Variants in RCOR2 observed in about 807,000 individuals in gnomAD.
RCOR2 encodes the protein REST corepressor 2.
A neutral mutation model predicts 58.9 loss-of-function variants in RCOR2; 19 were observed. The observed-to-expected ratio is 0.32, with a 90% CI of 0.23 to 0.47. The LOEUF (loss-of-function observed/expected upper bound fraction) is 0.47. Ranked by LOEUF, RCOR2 falls within the 20% of genes least tolerant of loss-of-function variation. RCOR2 has a pLI of 1.00. For missense variants in RCOR2, 590 were observed against 707.9 expected (o/e 0.83, Z 1.89); for synonymous variants, 286 against 278.7 (o/e 1.03, Z -0.26).
rs371946091 is a variant in RCOR2, at chr11:63,912,873, C to T, written c.966G>A (p.Pro322=). Residue 322 remains proline, a synonymous_variant, in exon 9 of 12, where the codon CCG becomes CCA. Transcript: ENST00000301459. ...CTAACTTAAAGAGCAGCCATACCTC[C>T]GGGGGGCGTAGTGGATCAATACCGC... ...LEGGIDPLRP[P]EANTKFNSRW... is the part of the protein sequence containing the mutation. The T allele has an allele frequency of 2.0e-5, 32 of 1,613,488 alleles. No homozygotes were observed. Among genetic ancestry groups the T allele is most frequent in the Non-Finnish European group, 2.6e-5 (31 of 1,179,796 alleles).
At position 63,916,426 on chromosome 11, in the gene RCOR2, C is replaced by A; in HGVS notation, c.31G>T (p.Gly11Cys). 6.2e-7 allele frequency: 1 copy of A among 1,607,700 alleles called. No homozygotes were observed. Among genetic ancestry groups the A allele is most frequent in the Non-Finnish European group, 8.5e-7 (1 of 1,177,932 alleles). Residue 11 changes from glycine to cysteine, a missense_variant, in exon 1 of 12, where the codon GGC (glycine) becomes TGC (cysteine). By Grantham distance (159) the Gly-to-Cys change is radical (BLOSUM62 -3). Around this residue, in one of 3 missense-constraint regions of RCOR2, gnomAD observed 390 missense variants for 478.7 expected, o/e 0.81. Transcript: ENST00000301459. The stretch of plus-strand genomic sequence containing the variant: ...CGGCTACGGGACAGGATCCCAGAGC[C>A]CGCGCTCGGCTTCTCCATCACTGAG... Reference protein sequence around the residue: MPSVMEKPSAGSGILSRSRAK... With the variant: MPSVMEKPSACSGILSRSRAK...
upstream of RCOR2, among the ~76,000 whole-genome samples, chr11:63,920,533 T>C (rs562116403): frequency 2.6e-5 from 4 of 152,048 alleles, no homozygotes; most frequent in Non-Finnish European, 5.9e-5. Context: ...GCCAAGGGGC[T>C]AAACTTGGGG....
At position 63,912,719 on chromosome 11, in the gene RCOR2, G is replaced by A. The variant is rs756937166; in HGVS notation, c.984C>T (p.Phe328=). The A allele has an allele frequency of 7.0e-5, 113 of 1,613,976 alleles. No homozygotes were observed. Among genetic ancestry groups the A allele is most frequent in the Non-Finnish European group, 3.3e-5 (39 of 1,180,018 alleles). ...PLRPPEANTK[F]NSRWTTDEQL... is the part of the protein sequence containing the mutation. ...GCTCATCTGTGGTCCAGCGGGAGTT[G>A]AACTTGGTGTTGGCCTGGAAAGCAA... Residue 328 remains phenylalanine, a synonymous_variant, in exon 10 of 12, where the codon TTC becomes TTT. Transcript: ENST00000301459.
Position 63,911,719 on chromosome 11 carries a change from AGGGCG to A in RCOR2, c.*141_*145del. The A allele has an allele frequency of 7.8e-7, 1 of 1,274,350 alleles. No homozygotes were observed. Among genetic ancestry groups the A allele is most frequent in the Non-Finnish European group, 1.0e-6 (1 of 990,324 alleles). The allele number at this position is 1,274,350 out of a possible 1,614,324, so 78.9% of individuals were successfully genotyped here. A position where few individuals can be genotyped will look rare whatever the true frequency, so the allele number is the denominator to read the frequency against. On this transcript the variant is annotated 3_prime_UTR_variant, in exon 12 of 12. Coordinates refer to ENST00000301459, the MANE Select transcript of RCOR2 (RefSeq NM_173587.4). ...TGCCAGGAACACATGCAGAACCCAA[AGGGCG>A]GGGCTGGGCTGTCCGAAACTCTGGT...
chr11:63,916,417 T>A lies in RCOR2; in HGVS notation c.40A>T (p.Ile14Phe), dbSNP rs372768915. Reference sequence around the variant, plus strand: ...GTCTTGGCCCGGCTACGGGACAGGATCCCAGAGCCCGCGCTCGGCTTCTCC... The same window carrying A: ...GTCTTGGCCCGGCTACGGGACAGGAACCCAGAGCCCGCGCTCGGCTTCTCC... The part of the protein sequence containing the change: ...VMEKPSAGSG[I>F]LSRSRAKTVP... Residue 14 changes from isoleucine to phenylalanine, a missense_variant, in exon 1 of 12, where the codon ATC becomes TTC. Transcript: ENST00000301459. The A allele has an allele frequency of 4.4e-6, 7 of 1,607,590 alleles. No homozygotes were observed. The African/African-American group carries it at 6.7e-5, about 15-fold the overall frequency.
chr11:63,921,061 C>T (rs1033869467), upstream of RCOR2, among the ~76,000 whole-genome samples: 3 of 152,186 alleles, frequency 2.0e-5, no homozygotes, highest in African/African-American at 2.4e-5. Context: ...AGACCAGGCG[C>T]GGGGTCAGCA....
At chr11:63,915,456 C>T in intron 2 of RCOR2, 99 bp downstream of exon 2, 1 of 1,330,916 alleles carries the variant, frequency 7.5e-7, no homozygotes. Flanking sequence ...GCCAGCCTGC[C>T]CTTCCAGGGG....
upstream of RCOR2, among the ~76,000 whole-genome samples, chr11:63,918,058 C>G (rs1191797318): frequency 6.6e-6 from 1 of 152,062 alleles, no homozygotes; most frequent in Non-Finnish European, 1.5e-5. Flanking sequence ...GAGCTGCGCC[C>G]GTGCCCGTCC....
chr11:63,921,778 C>T (rs1941917000), upstream of RCOR2, among the ~76,000 whole-genome samples: 1 of 152,228 alleles, frequency 6.6e-6, no homozygotes, highest in Non-Finnish European at 1.5e-5. Flanking sequence ...CTCCATGAGG[C>T]AGCCCATGCC....
the RCOR2 span, among the ~76,000 whole-genome samples, chr11:63,926,486 TC>T: frequency 3.6e-4 from 26 of 72,762 alleles, no homozygotes; most frequent in Admixed American, 6.3e-4. Context: ...TCTCTCTCTC[TC>T]TCTTTTTTTT....
chr11:63,911,724 GGGGCT>G lies in RCOR2; in HGVS notation c.*136_*140del. 1 of 1,294,450 alleles carries G rather than the reference GGGGCT, an allele frequency of 7.7e-7. No homozygotes were observed. The highest frequency in any genetic ancestry group is 9.9e-7 in the Non-Finnish European group (1 of 1,006,676). The allele number at this position is 1,294,450 out of a possible 1,614,324, so 80.2% of individuals were successfully genotyped here. ...GGAACACATGCAGAACCCAAAGGGCGGGGCTGGGCTGTCCGAAACTCTGGTCTTAC... is the reference window on the plus strand; with the variant it reads ...GGAACACATGCAGAACCCAAAGGGCGGGGCTGTCCGAAACTCTGGTCTTAC... On this transcript the variant is annotated 3_prime_UTR_variant, in exon 12 of 12. Coordinates refer to ENST00000301459, the MANE Select transcript of RCOR2 (RefSeq NM_173587.4).
rs1294516679 is a variant in RCOR2 at position 63,912,128 on chromosome 11, G to A, written c.1309C>T (p.Pro437Ser). The A allele has an allele frequency of 8.6e-6, 13 of 1,506,696 alleles. No homozygotes were observed. Among genetic ancestry groups the A allele is most frequent in the Non-Finnish European group, 1.1e-5 (12 of 1,132,446 alleles). The allele number at this position is 1,506,696 out of a possible 1,614,324, so 93.3% of individuals were successfully genotyped here. ...GAGGTGGGAGGTGGAGGGGGTGGTGGCGCAGGGGGCACTGATCGGGGCACG... is the reference window on the plus strand; with the variant it reads ...GAGGTGGGAGGTGGAGGGGGTGGTGACGCAGGGGGCACTGATCGGGGCACG... ...TSVPRSVPPAPPPPPPPTSLS... is the reference protein window; with the variant it reads ...TSVPRSVPPASPPPPPPTSLS... Residue 437 changes from proline (P) to serine (S), a missense_variant, in exon 12 of 12, where the codon CCA becomes TCA. Coordinates refer to ENST00000301459, the MANE Select transcript of RCOR2 (RefSeq NM_173587.4).
At chr11:63,916,205 G>A in intron 1 of RCOR2, 125 bp downstream of exon 1, 1 of 896,068 alleles carries the variant, frequency 1.1e-6, no homozygotes, top group Non-Finnish European at 1.7e-6. Context: ...CAACGCAGAG[G>A]CTCCAATCCA....
rs1839711977 is a variant in RCOR2, at chr11:63,916,158, G to A, written c.127+172C>T. On this transcript the variant is annotated intron_variant, in intron 1 of 11. Transcript: ENST00000301459. ...ACAGCAGCTAGGGGCCCAGGTTCCA[G>A]ATTGGCTGTGCCGGCAGCCTGGGTT... Among the ~76,000 whole-genome samples, 3 of 152,248 alleles carry A rather than the reference G, an allele frequency of 2.0e-5. No homozygotes were observed. The South Asian group carries it at 6.2e-4, about 31-fold the overall frequency.
At chr11:63,923,050 G>GCTCT in the RCOR2 span, among the ~76,000 whole-genome samples, 1 of 151,934 alleles carries the variant, frequency 6.6e-6, no homozygotes, top group African/African-American at 2.4e-5. Flanking sequence ...CACTTCCAGA[G>GCTCT]GGAAGTGAGG....
Position 63,914,811 on chromosome 11 carries a change from C to T in RCOR2, c.324G>A (p.Leu108=), listed in dbSNP as rs140610632. Residue 108 remains leucine, a synonymous_variant, in exon 5 of 12, where the codon CTG becomes CTA. Transcript: ENST00000301459. ...CGTGCTTATGCCACAGAAGCATGCCCAGCGCCTGGCCCGGGGCAAGGGGCA... is the reference window on the plus strand; with the variant it reads ...CGTGCTTATGCCACAGAAGCATGCCTAGCGCCTGGCCCGGGGCAAGGGGCA... The part of the protein sequence containing the change: ...EKHGYNIEQA[L]GMLLWHKHDV... 2.1e-4 allele frequency: 336 copies of T among 1,607,688 alleles called. 1 individual carries two copies. Among genetic ancestry groups the T allele is most frequent in the Admixed American group, 9.9e-4 (59 of 59,374 alleles).
chr11:63,914,075 C>T lies in RCOR2; in HGVS notation c.770G>A (p.Arg257His), dbSNP rs373028969. ...QYRHHPLRTR[R>H]RPPKGMYLSP... ...CAGGTACATGCCCTTGGGTGGGCGA[C>T]GCCGGGTTCGCAAGGGATGGTGGCG... Residue 257 changes from arginine to histidine, a missense_variant, in exon 8 of 12, where the codon CGT becomes CAT. Arg to His is a conservative substitution (Grantham distance 29). Coordinates refer to ENST00000301459, the MANE Select transcript of RCOR2 (RefSeq NM_173587.4). 7.4e-6 allele frequency: 12 copies of T among 1,613,728 alleles called. No homozygotes were observed. Among genetic ancestry groups the T allele is most frequent in the South Asian group, 5.5e-5 (5 of 91,088 alleles).
In RCOR2 at chr11:63,913,933, G is replaced by A. The variant is rs750668110; in HGVS notation, c.891+21C>T. 55 of 1,609,662 alleles carry A rather than the reference G, an allele frequency of 3.4e-5. No homozygotes were observed. In the Admixed American group the frequency reaches 4.2e-4, roughly 12 times the overall value. On this transcript the variant is annotated intron_variant, in intron 8 of 11. Transcript: ENST00000301459. Reference sequence around the variant, plus strand: ...GCCGAATGCCACCTTTGCATAGCCCGTTCATTTCCCAGGGCCCCACCTGGC... The same window carrying A: ...GCCGAATGCCACCTTTGCATAGCCCATTCATTTCCCAGGGCCCCACCTGGC...
the RCOR2 span, among the ~76,000 whole-genome samples, chr11:63,922,931 G>A: frequency 6.6e-6 from 1 of 152,016 alleles, no homozygotes; most frequent in Non-Finnish European, 1.5e-5. Flanking sequence ...GCTCTGCCAG[G>A]GCACATCCAG....
Sources: gnomAD v4.1 joint callset for allele counts (sites outside exome capture counted in the v4.1 genomes callset) on GRCh38, gnomAD v4.1.1 for gene constraint, gnomAD v4.1.1 regional missense constraint, MANE v1.5 for transcripts, NCBI Gene and HGNC (gene_info 2026-07-23, HGNC 2026-07-21) for gene names.